ABLIM3: variants seen among roughly 807,000 people sequenced by gnomAD.
The protein encoded by ABLIM3 is actin-binding LIM protein 3.
In ABLIM3, 61 loss-of-function variants were observed where a neutral mutation model predicts 109.5. That is an observed-to-expected ratio of 0.56 (90% confidence interval 0.45 to 0.69). The LOEUF (loss-of-function observed/expected upper bound fraction) is 0.69, where lower values mean the gene tolerates loss of function less well. ABLIM3 is among the 30% of genes least tolerant of loss of function. ABLIM3 has a pLI of 0.00. For synonymous variants in ABLIM3, 300 were observed against 324.8 expected, an observed-to-expected ratio of 0.92 and a Z score of 0.82; for missense variants, 796 against 889.5, an observed-to-expected ratio of 0.89 and a Z score of 1.34.
intron 5 of ABLIM3, among the ~76,000 whole-genome samples, chr5:149,206,735 C>T (rs550644223): frequency 2.0e-5 from 3 of 152,114 alleles, no homozygotes; most frequent in East Asian, 3.9e-4. Flanking sequence ...GGGCTGGAAG[C>T]AGTGCAGGGT....
chr5:149,210,700 C>T (rs1759454262), intron 6 of ABLIM3, 26 bp from the exon 7 acceptor site: 6 of 1,604,972 alleles, frequency 3.7e-6, no homozygotes, highest in Admixed American at 1.7e-5. Context: ...CTAACTTCCT[C>T]ATCCTATGTG....
chr5:149,199,182 A>C, intron 4 of ABLIM3: 1 of 454,646 alleles, frequency 2.2e-6, no homozygotes, highest in Non-Finnish European at 4.4e-6. Flanking sequence ...AAATGAAGAA[A>C]GCTCAGCCCT....
rs528962393 is a variant in ABLIM3, at chr5:149,231,183, C to T, written c.816+476C>T. On this transcript the variant is annotated intron_variant, in intron 9 of 23. Coordinates refer to ENST00000309868, the MANE Select transcript of ABLIM3 (RefSeq NM_014945.5). The stretch of plus-strand genomic sequence containing the variant: ...ATCTTTGCCTTGCCTGTGAGAAAAC[C>T]AGTTCTAAAGAGGTGATGATGTGCC... Among the ~76,000 whole-genome samples, 9 of 152,262 alleles carry T rather than the reference C, an allele frequency of 5.9e-5. 2 individuals are homozygous for T. In the South Asian group the frequency reaches 1.9e-3, roughly 32 times the overall value.
intron 19 of ABLIM3, 128 bp from the exon 20 acceptor site, chr5:149,250,319 G>C: frequency 1.2e-6 from 1 of 836,512 alleles, no homozygotes; most frequent in Non-Finnish European, 2.0e-6. Context: ...GGAAGAGTTG[G>C]TGGCCTCTGG....
intron 2 of ABLIM3, among the ~76,000 whole-genome samples, chr5:149,181,278 A>C (rs562720549): frequency 6.7e-6 from 1 of 148,300 alleles, no homozygotes; most frequent in South Asian, 2.2e-4. Context: ...ATTAAAGAGA[A>C]TGTTTATGAA....
At chr5:149,228,678 C>A (rs1761547496) in intron 8 of ABLIM3, among the ~76,000 whole-genome samples, 1 of 152,188 alleles carries the variant, frequency 6.6e-6, no homozygotes, top group African/African-American at 2.4e-5. Flanking sequence ...TGCTAGCTAC[C>A]AACTAACTTT....
intron 7 of ABLIM3, among the ~76,000 whole-genome samples, chr5:149,212,860 C>T (rs931349595): frequency 1.3e-5 from 2 of 152,106 alleles, no homozygotes; most frequent in Admixed American, 6.5e-5. Context: ...AGTGGTGGCT[C>T]ACACCTGTAA....
intron 2 of ABLIM3, among the ~76,000 whole-genome samples, chr5:149,160,906 G>A (rs1754301300): frequency 6.6e-6 from 1 of 152,196 alleles, no homozygotes. Flanking sequence ...CCAGCAGTGG[G>A]CCCAAGAGCG....
chr5:149,245,213 A>C (rs1006257714), intron 16 of ABLIM3, among the ~76,000 whole-genome samples, 198 bp downstream of exon 16: 1 of 152,248 alleles, frequency 6.6e-6, no homozygotes, highest in Non-Finnish European at 1.5e-5. Context: ...CTGGGGAGCA[A>C]AACAGACCAG....
At chr5:149,200,475 C>T in intron 5 of ABLIM3, 47 bp downstream of exon 5, 1 of 1,579,560 alleles carries the variant, frequency 6.3e-7, no homozygotes, top group South Asian at 1.1e-5. Flanking sequence ...TGTGATCTCT[C>T]TGGGCTCCCC....
At position 149,216,945 on chromosome 5, in the gene ABLIM3, T is replaced by G. The variant is rs945032463; in HGVS notation, c.670-14T>G. 1 of 1,613,398 alleles carries G rather than the reference T, an allele frequency of 6.2e-7. No homozygotes were observed. The highest frequency in any genetic ancestry group is 8.5e-7 in the Non-Finnish European group (1 of 1,179,372). On this transcript the variant is annotated splice_polypyrimidine_tract_variant and intron_variant, in intron 7 of 23. Coordinates refer to ENST00000309868, the MANE Select transcript of ABLIM3 (RefSeq NM_014945.5). The stretch of plus-strand genomic sequence containing the variant: ...CTGGCTCTGACCTCCTGTTTCATCT[T>G]TTCATTTCCATAGGCAGGAGGGAAG...
intron 7 of ABLIM3, among the ~76,000 whole-genome samples, chr5:149,214,751 C>G (rs1223797643): frequency 6.6e-6 from 1 of 152,194 alleles, no homozygotes; most frequent in African/African-American, 2.4e-5. Flanking sequence ...ACCCCATGGT[C>G]CCTTCCTCAG....
intron 8 of ABLIM3, among the ~76,000 whole-genome samples, chr5:149,229,787 A>T (rs1252708762): frequency 6.6e-6 from 1 of 152,182 alleles, no homozygotes; most frequent in Non-Finnish European, 1.5e-5. Flanking sequence ...AATGTGTCAT[A>T]TTTGGGGCTG....
chr5:149,141,804 A>G (rs1752481054), intron 1 of ABLIM3, 150 bp downstream of exon 1: 2 of 491,034 alleles, frequency 4.1e-6, no homozygotes, highest in Middle Eastern at 5.6e-4. Flanking sequence ...TGCCAACCCC[A>G]CTTCTGCCCG....
intron 8 of ABLIM3, among the ~76,000 whole-genome samples, chr5:149,225,068 G>A (rs1241774432): frequency 6.6e-6 from 1 of 152,192 alleles, no homozygotes; most frequent in African/African-American, 2.4e-5. Context: ...GGCACTTTCA[G>A]TAGCAAAGGA....
chr5:149,161,575 G>A (rs375398035), intron 2 of ABLIM3, among the ~76,000 whole-genome samples: 2 of 152,314 alleles, frequency 1.3e-5, no homozygotes, highest in East Asian at 1.9e-4. Context: ...TCCTGGAGTC[G>A]ACTGGGGACA....
chr5:149,208,478 T>G (rs1285225764), intron 6 of ABLIM3, among the ~76,000 whole-genome samples: 1 of 151,940 alleles, frequency 6.6e-6, no homozygotes, highest in Non-Finnish European at 1.5e-5. Context: ...CATGGTGGAT[T>G]AGTTCTCAAT....
chr5:149,167,656 G>A (rs1754951583), intron 2 of ABLIM3, among the ~76,000 whole-genome samples: 1 of 152,174 alleles, frequency 6.6e-6, no homozygotes, highest in South Asian at 2.1e-4. Flanking sequence ...CAGTGTGCTA[G>A]GTATTATGCT....
chr5:149,146,622 T>C (rs1030323737), intron 2 of ABLIM3, among the ~76,000 whole-genome samples: 3 of 152,230 alleles, frequency 2.0e-5, no homozygotes, highest in South Asian at 2.1e-4. Context: ...ATCAGATGGC[T>C]GTAGGTATGT....
Sources: gnomAD v4.1 joint callset for allele counts (sites outside exome capture counted in the v4.1 genomes callset) on GRCh38, gnomAD v4.1.1 for gene constraint, MANE v1.5 for transcripts, NCBI Gene and HGNC (gene_info 2026-07-23, HGNC 2026-07-21) for gene names.